Variants in CIB2 observed in about 807,000 individuals in gnomAD.
CIB2 encodes the protein calcium and integrin binding family member 2, also known as calcium and integrin-binding family member 2.
In CIB2, 19 loss-of-function variants were observed where a neutral mutation model predicts 23.1. The ratio of observed to expected loss-of-function variants is 0.82; its 90% confidence interval spans 0.57 to 1.21. The LOEUF (loss-of-function observed/expected upper bound fraction) is 1.21. CIB2 is among the 50% of genes most tolerant of loss of function. The pLI, the probability that CIB2 is intolerant of heterozygous loss-of-function variation, is 0.00. For synonymous variants in CIB2, 94 were observed against 91.7 expected (o/e 1.03, Z -0.14); for missense variants, 220 against 241.5 (o/e 0.91, Z 0.59).
At chr15:78,120,811 C>A in intron 2 of CIB2, 1 of 878,170 alleles carries the variant, frequency 1.1e-6, no homozygotes. Context: ...GGTCAGTACG[C>A]AGGGAGCAGC....
At chr15:78,125,039 G>C (rs2074364752) in intron 1 of CIB2, among the ~76,000 whole-genome samples, 1 of 152,168 alleles carries the variant, frequency 6.6e-6, no homozygotes, top group African/African-American at 2.4e-5. Flanking sequence ...GTTAGACTAA[G>C]GATCCATGCT....
chr15:78,114,584 T>A (rs1298622062), intron 2 of CIB2, among the ~76,000 whole-genome samples: 1 of 152,108 alleles, frequency 6.6e-6, no homozygotes, highest in African/African-American at 2.4e-5. Context: ...GAACCTAATA[T>A]GTAGCATCCA....
At chr15:78,119,137 T>TAAAAAAAAAAA (rs77407973) in intron 2 of CIB2, among the ~76,000 whole-genome samples, 1 of 139,214 alleles carries the variant, frequency 7.2e-6, no homozygotes, top group Non-Finnish European at 1.6e-5. Context: ...ACACAGACTT[T>TAAAAAAAAAAA]AAAAAAAAAA....
Position 78,127,875 on chromosome 15 carries a change from G to A in CIB2, c.51+3290C>T, listed in dbSNP as rs190106773. Among the ~76,000 whole-genome samples the A allele has an allele frequency of 3.8e-3, 585 of 152,322 alleles. 10 individuals carry two copies. Among genetic ancestry groups the A allele is most frequent in the Admixed American group, 0.035 (541 of 15,290 alleles). On this transcript the variant is annotated intron_variant, in intron 1 of 5. Transcript: ENST00000258930. Reference sequence around the variant, plus strand: ...AGCTGGGTTAGTAGTTCCCATTTTAGAGGTGGAGACACTTAGGCCCAGAAG... The same window carrying A: ...AGCTGGGTTAGTAGTTCCCATTTTAAAGGTGGAGACACTTAGGCCCAGAAG...
intron 1 of CIB2, among the ~76,000 whole-genome samples, chr15:78,125,651 T>A (rs2074371902): frequency 6.6e-6 from 1 of 152,192 alleles, no homozygotes; most frequent in African/African-American, 2.4e-5. Flanking sequence ...TAGGCTCCAC[T>A]CCAGATCTCT....
At chr15:78,118,588 C>CAA (rs56911890) in intron 2 of CIB2, among the ~76,000 whole-genome samples, 125 of 102,442 alleles carry the variant, frequency 1.2e-3, no homozygotes, top group South Asian at 1.7e-3. Context: ...GACTCCGTCT[C>CAA]AAAAAAAAAA....
At chr15:78,122,814 TG>T (rs1322661522) in intron 2 of CIB2, among the ~76,000 whole-genome samples, 1 of 152,188 alleles carries the variant, frequency 6.6e-6, no homozygotes, top group Non-Finnish European at 1.5e-5. Flanking sequence ...AATAGCAGCC[TG>T]GGTAGAGAGG....
Position 78,105,142 on chromosome 15 carries a change from G to T in CIB2, c.*169C>A. The T allele has an allele frequency of 1.1e-6, 1 of 911,964 alleles. No individual in the cohort carries two copies. The highest frequency in any genetic ancestry group is 1.6e-6 in the Non-Finnish European group (1 of 608,380). The allele number at this position is 911,964 out of a possible 1,614,324, so 56.5% of individuals were successfully genotyped here. On this transcript the variant is annotated 3_prime_UTR_variant, in exon 6 of 6. Transcript: ENST00000258930. ...TGTGGGAAGGGTCCTAACCTTCACAGGCCCCCTTCCTGGTTAAGGTTTTTT... is the reference window on the plus strand; with the variant it reads ...TGTGGGAAGGGTCCTAACCTTCACATGCCCCCTTCCTGGTTAAGGTTTTTT...
rs747955230 is a variant in CIB2, at chr15:78,109,196, C to CA, written c.346+38_346+39insT. On this transcript the variant is annotated intron_variant, in intron 4 of 5. Transcript: ENST00000258930. ...CAGCCTAAGGGCCCCACATGTTCCC[C>CA]CACCGCATATTCAGGCCCCCTCCTC... is the stretch of plus-strand genomic sequence containing the variant. 7.0e-5 allele frequency: 85 copies of CA among 1,219,580 alleles called. 5 individuals carry two copies. The highest frequency in any genetic ancestry group is 8.8e-5 in the Non-Finnish European group (76 of 865,106). The allele number at this position is 1,219,580 out of a possible 1,614,324, so 75.5% of individuals were successfully genotyped here. A position where few individuals can be genotyped will look rare whatever the true frequency, so the allele number is the denominator to read the frequency against.
intron 1 of CIB2, among the ~76,000 whole-genome samples, chr15:78,127,780 C>CA (rs2074400500): frequency 6.6e-6 from 1 of 152,288 alleles, no homozygotes; most frequent in Non-Finnish European, 1.5e-5. Context: ...CCCAGGGGAC[C>CA]ATCACACGGC....
intron 1 of CIB2, among the ~76,000 whole-genome samples, chr15:78,129,295 G>A (rs565703594): frequency 1.3e-5 from 2 of 152,194 alleles, no homozygotes; most frequent in East Asian, 1.9e-4. Flanking sequence ...CTCCCACCCC[G>A]CCTGGCAGGG....
Position 78,126,150 on chromosome 15 carries a change from C to CCT in CIB2, c.52-2412_52-2411insAG, listed in dbSNP as rs397701039. ...GCTTCCCTTTCCCCTGCCCCCCCCC[C>CCT]TTTTTTTTTTGAGACGGAGTCTTGC... is the stretch of plus-strand genomic sequence containing the variant. On this transcript the variant is annotated intron_variant, in intron 1 of 5. Transcript: ENST00000258930. Among the ~76,000 whole-genome samples, 1,020 of 138,856 alleles carry CCT rather than the reference C, an allele frequency of 7.3e-3. 10 individuals are homozygous for CCT. The highest frequency in any genetic ancestry group is 0.025 in the African/African-American group (945 of 37,602). The allele number at this position is 138,856 out of a possible 152,430, so 91.1% of individuals were successfully genotyped here.
intron 2 of CIB2, among the ~76,000 whole-genome samples, chr15:78,117,753 C>T (rs377596013): frequency 1.3e-5 from 2 of 152,156 alleles, no homozygotes; most frequent in Non-Finnish European, 2.9e-5. Flanking sequence ...AGTTCCCACC[C>T]GACTAGACAG....
At chr15:78,125,517 C>G (rs546609360) in intron 1 of CIB2, among the ~76,000 whole-genome samples, 1 of 152,176 alleles carries the variant, frequency 6.6e-6, no homozygotes, top group Non-Finnish European at 1.5e-5. Context: ...GATGCAAACA[C>G]TTCCCCTATA....
At chr15:78,116,573 T>A (rs1035379034) in intron 2 of CIB2, among the ~76,000 whole-genome samples, 5 of 152,314 alleles carry the variant, frequency 3.3e-5, no homozygotes, top group Non-Finnish European at 5.9e-5. Flanking sequence ...TTGGTATCCT[T>A]GGGAGGTCCT....
chr15:78,108,408 G>T (rs1183217317), intron 4 of CIB2, among the ~76,000 whole-genome samples: 1 of 152,082 alleles, frequency 6.6e-6, no homozygotes, highest in Admixed American at 6.6e-5. Context: ...TTTGACACCA[G>T]TCCCCATGGG....
At chr15:78,126,003 TG>T (rs2074375661) in intron 1 of CIB2, among the ~76,000 whole-genome samples, 1 of 152,146 alleles carries the variant, frequency 6.6e-6, no homozygotes, top group Non-Finnish European at 1.5e-5. Context: ...CATTAGCCAA[TG>T]GGGGTGGGCA....
intron 1 of CIB2, among the ~76,000 whole-genome samples, chr15:78,125,238 T>C (rs183123302): frequency 6.6e-6 from 1 of 152,278 alleles, no homozygotes; most frequent in East Asian, 1.9e-4. Context: ...GTGGGCTGAT[T>C]TATCAGCAAA....
At chr15:78,118,363 C>T (rs894815042) in intron 2 of CIB2, among the ~76,000 whole-genome samples, 1 of 151,906 alleles carries the variant, frequency 6.6e-6, no homozygotes, top group Non-Finnish European at 1.5e-5. Context: ...AAGCCCAAGG[C>T]GGGCAGATCA....
Sources: gnomAD v4.1 joint callset for allele counts (sites outside exome capture counted in the v4.1 genomes callset) on GRCh38, gnomAD v4.1.1 for gene constraint, MANE v1.5 for transcripts, NCBI Gene and HGNC (gene_info 2026-07-23, HGNC 2026-07-21) for gene names.